PPP2R2B: variants seen among roughly 807,000 people sequenced by gnomAD.
The protein encoded by PPP2R2B is serine/threonine-protein phosphatase 2A 55 kDa regulatory subunit B beta isoform.
Under a neutral mutation model 46.0 loss-of-function variants are expected in PPP2R2B, and 5 were observed. The observed-to-expected ratio is 0.11, with a 90% CI of 0.06 to 0.23. The LOEUF is 0.23. Ranked by LOEUF, PPP2R2B falls within the 10% of genes least tolerant of loss-of-function variation. PPP2R2B has a pLI of 1.00. For synonymous variants in PPP2R2B, 215 were observed against 206.7 expected, an observed-to-expected ratio of 1.04 and a Z score of -0.34; for missense variants, 367 against 575.0, an observed-to-expected ratio of 0.64 and a Z score of 3.70.
intron 2 of PPP2R2B, among the ~76,000 whole-genome samples, chr5:146,810,253 A>T (rs1482031778): frequency 6.6e-6 from 1 of 152,216 alleles, no homozygotes; most frequent in South Asian, 2.1e-4. Flanking sequence ...TCACAGTTCC[A>T]TGTGGCTGGG....
At chr5:146,594,696 C>T (rs1770995732) in intron 8 of PPP2R2B, among the ~76,000 whole-genome samples, 1 of 152,180 alleles carries the variant, frequency 6.6e-6, no homozygotes, top group Non-Finnish European at 1.5e-5. Context: ...GGGAACTGAG[C>T]CCCGGTATCA....
chr5:146,849,056 T>C (rs1441863417), intron 2 of PPP2R2B, among the ~76,000 whole-genome samples: 2 of 152,140 alleles, frequency 1.3e-5, no homozygotes, highest in African/African-American at 4.8e-5. Flanking sequence ...AGTACTTCTT[T>C]ACTTTCTGGT....
intron 1 of PPP2R2B, among the ~76,000 whole-genome samples, chr5:147,052,618 T>C (rs770281342): frequency 4.6e-5 from 7 of 152,072 alleles, no homozygotes; most frequent in Non-Finnish European, 8.8e-5. Flanking sequence ...CAAAAGTCTA[T>C]GGTGGAAGGG....
intron 2 of PPP2R2B, chr5:146,856,443 C>T: frequency 7.5e-7 from 1 of 1,337,658 alleles, no homozygotes; most frequent in Non-Finnish European, 1.1e-6. Flanking sequence ...AACTATTTAA[C>T]ACTTCTATAC....
intron 7 of PPP2R2B, among the ~76,000 whole-genome samples, chr5:146,622,428 C>A (rs1773763995): frequency 6.6e-6 from 1 of 152,162 alleles, no homozygotes; most frequent in South Asian, 2.1e-4. Context: ...AAGTTACCCA[C>A]ACCTGGGCTT....
chr5:146,799,816 G>A (rs1378035599), intron 2 of PPP2R2B, among the ~76,000 whole-genome samples: 2 of 152,228 alleles, frequency 1.3e-5, no homozygotes, highest in Non-Finnish European at 2.9e-5. Flanking sequence ...CCCTGGAGAT[G>A]TTTCTTTGTA....
chr5:146,878,285 G>A lies in PPP2R2B; in HGVS notation c.-124-90C>T. On this transcript the variant is annotated intron_variant, in intron 1 of 9. Coordinates refer to ENST00000394411, the MANE Select transcript of PPP2R2B (RefSeq NM_181675.4). This position sits in a 1 kb window ranked among gnomAD's most constrained non-coding sequence, Gnocchi z 4.5. Reference sequence around the variant, plus strand: ...CTCCACTCGGGTTCTGCGAGGCTGCGGCGGCTCCTCCCGCGCGGTGCGCTC... The same window carrying A: ...CTCCACTCGGGTTCTGCGAGGCTGCAGCGGCTCCTCCCGCGCGGTGCGCTC... 6.8e-7 allele frequency: 1 copy of A among 1,460,386 alleles called. No homozygotes were observed. The highest frequency in any genetic ancestry group is 2.5e-4 in the Middle Eastern group (1 of 3,952). The allele number at this position is 1,460,386 out of a possible 1,614,324, so 90.5% of individuals were successfully genotyped here. A position where few individuals can be genotyped will look rare whatever the true frequency, so the allele number is the denominator to read the frequency against.
intron 1 of PPP2R2B, among the ~76,000 whole-genome samples, chr5:147,018,233 G>T (rs761630108): frequency 5.9e-5 from 9 of 152,052 alleles, no homozygotes; most frequent in Non-Finnish European, 1.2e-4. Context: ...GACTTCGAAA[G>T]GCAGAACCTA....
rs543990039 is a variant in PPP2R2B, at chr5:146,584,830, A to G, written c.*5117T>C. The G allele has an allele frequency of 6.6e-6, 1 of 152,198 alleles. No individual in the cohort carries two copies. Among genetic ancestry groups the G allele is most frequent in the Non-Finnish European group, 1.5e-5 (1 of 68,044 alleles). The allele number at this position is 152,198 out of a possible 1,614,324, so 9.4% of individuals were successfully genotyped here. A position where few individuals can be genotyped will look rare whatever the true frequency, so the allele number is the denominator to read the frequency against. ...AATGTGTTTCTAATGGAAGGAGAGAAACATTGGCTTTCTGTTTCCATGCCA... is the reference window on the plus strand; with the variant it reads ...AATGTGTTTCTAATGGAAGGAGAGAGACATTGGCTTTCTGTTTCCATGCCA... On this transcript the variant is annotated 3_prime_UTR_variant, in exon 10 of 10. Coordinates refer to ENST00000394411, the MANE Select transcript of PPP2R2B (RefSeq NM_181675.4).
chr5:147,055,874 G>T (rs1757065394), exon 1 of PPP2R2B: 1 of 1,458,428 alleles, frequency 6.9e-7, no homozygotes, highest in Non-Finnish European at 9.0e-7. Flanking sequence ...GCAAAGCTGG[G>T]GTGCCCGAGG....
At chr5:146,888,447 T>TC (rs1448625912) in intron 1 of PPP2R2B, among the ~76,000 whole-genome samples, 72 of 152,272 alleles carry the variant, frequency 4.7e-4, no homozygotes, top group African/African-American at 1.6e-3. Flanking sequence ...ATGCTCCAAC[T>TC]ATCATCCTAT....
chr5:146,669,501 T>C (rs573646684), intron 5 of PPP2R2B, among the ~76,000 whole-genome samples: 34 of 152,000 alleles, frequency 2.2e-4, no homozygotes, highest in Non-Finnish European at 4.4e-4. Context: ...TATATTTATA[T>C]GTATATATTA....
intron 1 of PPP2R2B, among the ~76,000 whole-genome samples, chr5:147,020,024 G>C (rs913717171): frequency 1.3e-5 from 2 of 152,146 alleles, no homozygotes; most frequent in African/African-American, 4.8e-5. Flanking sequence ...ACCTGGCCTA[G>C]ATGTTCTCAG....
intron 1 of PPP2R2B, among the ~76,000 whole-genome samples, chr5:146,986,308 C>T (rs1288187886): frequency 6.6e-6 from 1 of 152,150 alleles, no homozygotes; most frequent in African/African-American, 2.4e-5. Flanking sequence ...ACCTGCAGCC[C>T]TTGATTCCAG....
intron 2 of PPP2R2B, among the ~76,000 whole-genome samples, chr5:147,079,417 A>T (rs1561617850): frequency 7.7e-6 from 1 of 130,024 alleles, no homozygotes; most frequent in Non-Finnish European, 1.6e-5. Context: ...TAATATACAC[A>T]CAAACACACA....
intron 7 of PPP2R2B, among the ~76,000 whole-genome samples, chr5:146,602,965 A>G (rs966648880): frequency 6.6e-6 from 1 of 152,208 alleles, no homozygotes; most frequent in African/African-American, 2.4e-5. Context: ...AGGTTTGGAA[A>G]TTCCAAGTAA....
At chr5:146,944,183 T>C (rs1040840835) in intron 1 of PPP2R2B, among the ~76,000 whole-genome samples, 1 of 152,196 alleles carries the variant, frequency 6.6e-6, no homozygotes, top group African/African-American at 2.4e-5. Context: ...CTAAGTGCAA[T>C]ACGCTGAGAC....
At chr5:146,998,391 A>C (rs1452863035) in intron 1 of PPP2R2B, among the ~76,000 whole-genome samples, 2 of 152,172 alleles carry the variant, frequency 1.3e-5, no homozygotes, top group African/African-American at 4.8e-5. Context: ...TGAGTCGGAC[A>C]ATCTGGGAAG....
intron 1 of PPP2R2B, among the ~76,000 whole-genome samples, chr5:147,035,807 AAC>A (rs1453365237): frequency 1.3e-5 from 2 of 152,120 alleles, no homozygotes; most frequent in East Asian, 3.9e-4. Flanking sequence ...GGGAAAAAAA[AAC>A]AGTTTGGATG....
Sources: allele counts gnomAD v4.1 joint callset (sites outside exome capture counted in the v4.1 genomes callset), GRCh38; gene constraint gnomAD v4.1.1; non-coding constraint Gnocchi (gnomAD v3.1); transcripts MANE v1.5; gene names NCBI Gene and HGNC (gene_info 2026-07-23, HGNC 2026-07-21).